TIAM1: variants seen among roughly 807,000 people sequenced by gnomAD.
The protein encoded by TIAM1 is TIAM Rac1 associated GEF 1.
Under a neutral mutation model 163.5 loss-of-function variants are expected in TIAM1, and 65 were observed. The ratio of observed to expected loss-of-function variants is 0.40; its 90% CI spans 0.33 to 0.49. The LOEUF (loss-of-function observed/expected upper bound fraction) is 0.49, where lower values mean the gene tolerates loss of function less well. Ranked by LOEUF, TIAM1 falls within the 20% of genes least tolerant of loss-of-function variation. The pLI is 0.77. For synonymous variants in TIAM1, 833 were observed against 810.1 expected, an observed-to-expected ratio of 1.03 and a Z score of -0.48; for missense variants, 1,789 against 2,044.7, an observed-to-expected ratio of 0.87 and a Z score of 2.41.
chr21:31,140,223 A>C (rs2082786729), intron 22 of TIAM1, among the ~76,000 whole-genome samples: 1 of 152,178 alleles, frequency 6.6e-6, no homozygotes, highest in Non-Finnish European at 1.5e-5. Context: ...CCTACACTAA[A>C]CAACCAAACT....
intron 2 of TIAM1, among the ~76,000 whole-genome samples, chr21:31,311,707 G>A (rs748039250): frequency 4.6e-5 from 7 of 152,138 alleles, no homozygotes; most frequent in Admixed American, 6.5e-5. Flanking sequence ...TAACCTCTGC[G>A]GCCAGAAAGA....
At chr21:31,260,490 C>T (rs1186582303) in intron 4 of TIAM1, among the ~76,000 whole-genome samples, 4 of 151,618 alleles carry the variant, frequency 2.6e-5, no homozygotes, top group East Asian at 3.9e-4. Context: ...CTGCCCACCT[C>T]GGCCTCCTGA....
intron 4 of TIAM1, among the ~76,000 whole-genome samples, chr21:31,256,630 T>TACACACACACACACACACACACAA (rs1569115880): frequency 6.7e-6 from 1 of 148,936 alleles, no homozygotes; most frequent in African/African-American, 2.5e-5. Flanking sequence ...CACACACACG[T>TACACACACACACACACACACACAA]ATATTATCTT....
intron 2 of TIAM1, among the ~76,000 whole-genome samples, chr21:31,387,958 T>C (rs2076904251): frequency 6.6e-6 from 1 of 151,896 alleles, no homozygotes; most frequent in South Asian, 2.1e-4. Context: ...CAATGGTGAG[T>C]TCTCATGAGA....
At chr21:31,292,984 C>T (rs977244246) in intron 2 of TIAM1, among the ~76,000 whole-genome samples, 2 of 152,088 alleles carry the variant, frequency 1.3e-5, no homozygotes, top group Non-Finnish European at 2.9e-5. Context: ...CCACCATGCG[C>T]AGCTCATTTT....
At chr21:31,504,352 G>A (rs926275569) in intron 1 of TIAM1, among the ~76,000 whole-genome samples, 3 of 152,170 alleles carry the variant, frequency 2.0e-5, no homozygotes, top group Admixed American at 2.0e-4. Context: ...CCAACCCTTT[G>A]GGGTAATTCA....
rs1275381599 is a variant in TIAM1, at chr21:31,322,443, A to G, written c.-189+16800T>C. On this transcript the variant is annotated intron_variant, in intron 2 of 27. Coordinates refer to ENST00000541036, the MANE Select transcript of TIAM1 (RefSeq NM_001353694.2). Reference sequence around the variant, plus strand: ...TTCATGTCCTACTCACGATACCTCTATGGGTGGGGGGGGGTGCCATCATCT... The same window carrying G: ...TTCATGTCCTACTCACGATACCTCTGTGGGTGGGGGGGGGTGCCATCATCT... Among the ~76,000 whole-genome samples the G allele has an allele frequency of 7.3e-5, 6 of 81,828 alleles. No homozygotes were observed. The East Asian group carries it at 1.5e-3, about 20-fold the overall frequency. 53.7% of individuals were successfully genotyped at this position (81,828 alleles called of 152,430 possible). A position where few individuals can be genotyped will look rare whatever the true frequency, so the allele number is the denominator to read the frequency against.
chr21:31,153,144 G>A lies in TIAM1; in HGVS notation c.3172-10C>T. The A allele has an allele frequency of 6.2e-7, 1 of 1,601,962 alleles. No homozygotes were observed. The highest frequency in any genetic ancestry group is 8.5e-7 in the Non-Finnish European group (1 of 1,174,814). On this transcript the variant is annotated splice_polypyrimidine_tract_variant and intron_variant, in intron 17 of 27. Transcript: ENST00000541036. ...TAAGACAGTTTAAATCCTAAGAATTGAAAAGAGAACTCATTAGCTTATGTG... is the reference window on the plus strand; with the variant it reads ...TAAGACAGTTTAAATCCTAAGAATTAAAAAGAGAACTCATTAGCTTATGTG...
intron 2 of TIAM1, among the ~76,000 whole-genome samples, chr21:31,361,532 T>A (rs1196136611): frequency 6.6e-6 from 1 of 152,204 alleles, no homozygotes; most frequent in Non-Finnish European, 1.5e-5. Context: ...CTGTTCTGAA[T>A]GTGTGGCATG....
At chr21:31,238,162 G>A (rs1410205503) in intron 6 of TIAM1, among the ~76,000 whole-genome samples, 2 of 152,180 alleles carry the variant, frequency 1.3e-5, no homozygotes, top group Non-Finnish European at 2.9e-5. Flanking sequence ...ACTGAATTGA[G>A]CCCTGGGGCT....
chr21:31,148,697 T>C (rs1201730634), intron 19 of TIAM1, among the ~76,000 whole-genome samples: 2 of 152,224 alleles, frequency 1.3e-5, no homozygotes, highest in East Asian at 3.8e-4. Context: ...GGTATTCACT[T>C]ATTCCTCCCG....
chr21:31,290,382 C>T (rs2073972504), intron 2 of TIAM1, among the ~76,000 whole-genome samples: 1 of 152,054 alleles, frequency 6.6e-6, no homozygotes, highest in South Asian at 2.1e-4. Context: ...GCCTATAATT[C>T]TATCACTTTG....
At chr21:31,500,775 G>A (rs376800561) in intron 1 of TIAM1, among the ~76,000 whole-genome samples, 48 of 152,216 alleles carry the variant, frequency 3.2e-4, no homozygotes, top group Admixed American at 2.1e-3. Context: ...TGGAACTGAC[G>A]GTCCCACGGA....
chr21:31,151,630 G>A (rs2083374897), intron 19 of TIAM1, among the ~76,000 whole-genome samples: 1 of 152,182 alleles, frequency 6.6e-6, no homozygotes, highest in Non-Finnish European at 1.5e-5. Context: ...AAATGATTAT[G>A]TGCATTGTCC....
At chr21:31,428,166 A>T (rs2043866403) in intron 2 of TIAM1, among the ~76,000 whole-genome samples, 2 of 151,730 alleles carry the variant, frequency 1.3e-5, no homozygotes, top group African/African-American at 4.8e-5. Flanking sequence ...GAGGCAGCAG[A>T]ATCGCTTGAA....
chr21:31,267,987 G>C (rs183732841), intron 3 of TIAM1, among the ~76,000 whole-genome samples: 117 of 152,274 alleles, frequency 7.7e-4, no homozygotes, highest in African/African-American at 2.8e-3. Context: ...GTGGGAAAGA[G>C]AAAAATCTTC....
chr21:31,186,014 G>A (rs2085287586), intron 14 of TIAM1, among the ~76,000 whole-genome samples: 1 of 152,176 alleles, frequency 6.6e-6, no homozygotes, highest in Non-Finnish European at 1.5e-5. Context: ...ATAAATTTCT[G>A]TTATTTTAAG....
chr21:31,240,732 G>A lies in TIAM1; in HGVS notation c.1584+4756C>T, dbSNP rs200405873. Among the ~76,000 whole-genome samples, 16 of 152,272 alleles carry A rather than the reference G, an allele frequency of 1.1e-4. No individual in the cohort carries two copies. In the East Asian group the frequency reaches 1.7e-3, roughly 17 times the overall value. On this transcript the variant is annotated intron_variant, in intron 6 of 27. Coordinates refer to ENST00000541036, the MANE Select transcript of TIAM1 (RefSeq NM_001353694.2). ...ATGACAATTGTTTAGCACTACAGTC[G>A]CCTGAAGCAGTGATAACAGTCGAAC...
At chr21:31,208,470 G>C (rs930784117) in intron 11 of TIAM1, among the ~76,000 whole-genome samples, 1 of 152,106 alleles carries the variant, frequency 6.6e-6, no homozygotes, top group Non-Finnish European at 1.5e-5. Context: ...ATAAATAAAG[G>C]AATGCAGAAA....
Sources: allele counts gnomAD v4.1 joint callset (sites outside exome capture counted in the v4.1 genomes callset), GRCh38; gene constraint gnomAD v4.1.1; transcripts MANE v1.5; gene names NCBI Gene and HGNC (gene_info 2026-07-23, HGNC 2026-07-21).